The following HPSE2 variants were observed in gnomAD, a reference collection of about 807,000 sequenced individuals.
The protein encoded by HPSE2 is heparanase 2 (inactive).
HPSE2 carries 38 observed loss-of-function variants against 60.5 expected under a neutral mutation model. That is an observed-to-expected ratio of 0.63 (90% CI 0.48 to 0.82). The LOEUF (loss-of-function observed/expected upper bound fraction) is 0.82, where lower values mean the gene tolerates loss of function less well. Among genes scored for constraint, HPSE2 ranks in the 40% least tolerant of loss-of-function variants. The pLI is 0.00. For synonymous variants in HPSE2, 295 were observed against 293.2 expected (o/e 1.01, Z -0.06); for missense variants, 713 against 740.4 (o/e 0.96, Z 0.43).
intron 2 of HPSE2, among the ~76,000 whole-genome samples, chr10:99,180,111 C>G (rs1847699789): frequency 6.6e-6 from 1 of 152,100 alleles, no homozygotes; most frequent in African/African-American, 2.4e-5. Flanking sequence ...AAAATTAACT[C>G]AAGATGGATT....
chr10:99,245,960 T>C, the HPSE2 span, among the ~76,000 whole-genome samples: 1 of 152,226 alleles, frequency 6.6e-6, no homozygotes, highest in East Asian at 1.9e-4. Flanking sequence ...CACATACATA[T>C]GTACATAAAA....
chr10:99,174,128 A>G (rs547516409), intron 2 of HPSE2, among the ~76,000 whole-genome samples: 1 of 152,300 alleles, frequency 6.6e-6, no homozygotes, highest in East Asian at 1.9e-4. Context: ...AACAAAAGTG[A>G]ACATTTTATT....
At chr10:99,029,827 C>T (rs57799920) in intron 3 of HPSE2, among the ~76,000 whole-genome samples, 1 of 151,924 alleles carries the variant, frequency 6.6e-6, no homozygotes, top group East Asian at 1.9e-4. Flanking sequence ...AGGCCCTCCA[C>T]AAGAGGTGGA....
At chr10:98,696,671 G>A (rs1296629614) in intron 5 of HPSE2, among the ~76,000 whole-genome samples, 2 of 152,252 alleles carry the variant, frequency 1.3e-5, no homozygotes, top group African/African-American at 4.8e-5. Flanking sequence ...GACCTCCCAG[G>A]AGGAGGGGTG....
intron 3 of HPSE2, among the ~76,000 whole-genome samples, chr10:98,827,020 A>T (rs998467109): frequency 1.3e-5 from 2 of 151,918 alleles, no homozygotes; most frequent in Non-Finnish European, 2.9e-5. Flanking sequence ...GTGTCGTGGT[A>T]TATGCCTGTA....
intron 2 of HPSE2, among the ~76,000 whole-genome samples, chr10:99,164,614 G>A (rs2133781166): frequency 6.6e-6 from 1 of 152,150 alleles, no homozygotes; most frequent in African/African-American, 2.4e-5. Flanking sequence ...CAAGTAGAAA[G>A]AGCTCAGAGA....
rs1324719505 is a variant in HPSE2 at position 98,962,348 on chromosome 10, C to T, written c.610+181890G>A. On this transcript the variant is annotated intron_variant, in intron 3 of 11. Coordinates refer to ENST00000370552, the MANE Select transcript of HPSE2 (RefSeq NM_021828.5). ...TTACCTTGGGCAGTATGGCCATTTT[C>T]ACGATATTGATTCTTCCTACCCATG... Among the ~76,000 whole-genome samples, 379 of 149,314 alleles carry T rather than the reference C, an allele frequency of 2.5e-3. 1 individual carries two copies. The highest frequency in any genetic ancestry group is 4.4e-3 in the Non-Finnish European group (295 of 67,428).
At chr10:98,701,266 T>C (rs1360083754) in intron 5 of HPSE2, among the ~76,000 whole-genome samples, 1 of 124,816 alleles carries the variant, frequency 8.0e-6, no homozygotes, top group African/African-American at 2.7e-5. Context: ...ATAGACTGGA[T>C]TAAGAAAATG....
intron 3 of HPSE2, among the ~76,000 whole-genome samples, chr10:98,766,291 C>T (rs190305113): frequency 1.4e-4 from 22 of 152,086 alleles, no homozygotes; most frequent in Admixed American, 1.4e-3. Flanking sequence ...AGTTTAAAAC[C>T]TTCAACAAAG....
At chr10:98,965,165 C>G (rs1955782547) in intron 3 of HPSE2, among the ~76,000 whole-genome samples, 3 of 152,132 alleles carry the variant, frequency 2.0e-5, no homozygotes, top group African/African-American at 7.2e-5. Context: ...ATTCTCTGAT[C>G]AAAATAATCT....
intron 3 of HPSE2, among the ~76,000 whole-genome samples, chr10:98,947,217 AGT>A (rs930218363): frequency 6.6e-6 from 1 of 152,196 alleles, no homozygotes; most frequent in Admixed American, 6.6e-5. Context: ...TATTCCAGAA[AGT>A]GTGAAAACCT....
At chr10:99,304,927 T>G in the HPSE2 span, among the ~76,000 whole-genome samples, 2 of 152,186 alleles carry the variant, frequency 1.3e-5, no homozygotes, top group African/African-American at 2.4e-5. Flanking sequence ...AGTCAAAACT[T>G]TAGAAAAGCA....
intron 2 of HPSE2, among the ~76,000 whole-genome samples, chr10:99,150,638 A>G (rs538052505): frequency 2.1e-4 from 32 of 152,314 alleles, no homozygotes; most frequent in Non-Finnish European, 4.3e-4. Flanking sequence ...ACATTTTAAT[A>G]GAAAGACTCT....
intron 3 of HPSE2, among the ~76,000 whole-genome samples, chr10:98,758,912 A>G (rs1949942854): frequency 6.6e-6 from 1 of 152,210 alleles, no homozygotes; most frequent in African/African-American, 2.4e-5. Flanking sequence ...GCTAGTCACA[A>G]TAGTGAAGAC....
chr10:98,897,369 A>G (rs1953524372), intron 3 of HPSE2, among the ~76,000 whole-genome samples: 1 of 152,172 alleles, frequency 6.6e-6, no homozygotes, highest in Non-Finnish European at 1.5e-5. Context: ...TGGAAAAGCA[A>G]AAGATCTAGA....
intron 9 of HPSE2, among the ~76,000 whole-genome samples, chr10:98,550,720 C>T (rs924946523): frequency 2.6e-5 from 4 of 152,016 alleles, no homozygotes; most frequent in African/African-American, 4.8e-5. Context: ...GTGATATGCC[C>T]GCCTCGGCCT....
At chr10:98,796,006 G>C (rs1465367822) in intron 3 of HPSE2, among the ~76,000 whole-genome samples, 1 of 151,782 alleles carries the variant, frequency 6.6e-6, no homozygotes, top group Admixed American at 6.6e-5. Context: ...CTTGGGTCCT[G>C]AATAACCACC....
Position 99,144,361 on chromosome 10 carries a change from C to G in HPSE2, c.487G>C (p.Gly163Arg). The G allele has an allele frequency of 6.2e-7, 1 of 1,613,994 alleles. No homozygotes were observed. Among genetic ancestry groups the G allele is most frequent in the Non-Finnish European group, 8.5e-7 (1 of 1,179,992 alleles). ...RSDVALDKQK[G>R]CKIAQHPDVM... ...TCAGGGTGCTGGGCAATCTTGCAGC[C>G]TTTCTGTTTATCTAAGGCAACATCA... The change falls in exon 3 of 12, where the codon GGC (glycine) becomes CGC (arginine). Residue 163 changes from glycine (G) to arginine (R), a missense_variant. Coordinates refer to ENST00000370552, the MANE Select transcript of HPSE2 (RefSeq NM_021828.5).
Position 99,235,720 on chromosome 10 carries a change from T to C in HPSE2, c.83A>G (p.Tyr28Cys), listed in dbSNP as rs775461335. The C allele has an allele frequency of 1.9e-6, 3 of 1,613,858 alleles. No homozygotes were observed. The highest frequency in any genetic ancestry group is 2.2e-5 in the East Asian group (1 of 44,808). The stretch of plus-strand genomic sequence containing the variant: ...GGAGAGATGGAGCAACAGAGCCAAG[T>C]AGAGAGCCCCCGGGGCTAGGCACGC... ...PPACLAPGAL[Y>C]LALLLHLSLS... Residue 28 changes from tyrosine (Y) to cysteine (C), a missense_variant, in exon 1 of 12, where the codon TAC becomes TGC. Coordinates refer to ENST00000370552, the MANE Select transcript of HPSE2 (RefSeq NM_021828.5).
Sources: allele counts gnomAD v4.1 joint callset (sites outside exome capture counted in the v4.1 genomes callset), GRCh38; gene constraint gnomAD v4.1.1; transcripts MANE v1.5; gene names NCBI Gene and HGNC (gene_info 2026-07-23, HGNC 2026-07-21).